The following CADM2 variants were observed in gnomAD, a reference collection of about 807,000 sequenced individuals.
The protein encoded by CADM2 is immunoglobulin superfamily member 4D.
A neutral mutation model predicts 49.8 loss-of-function variants in CADM2; 12 were observed. The ratio of observed to expected loss-of-function variants is 0.24; its 90% CI spans 0.15 to 0.39. The LOEUF is 0.39. Ranked by LOEUF, CADM2 falls within the 10% of genes least tolerant of loss-of-function variation. CADM2 has a pLI of 1.00. For missense variants in CADM2, 378 were observed against 492.3 expected, an observed-to-expected ratio of 0.77 and a Z score of 2.20; for synonymous variants, 214 against 175.4, an observed-to-expected ratio of 1.22 and a Z score of -1.74.
At chr3:85,751,978 T>C (rs1313986935) in intron 2 of CADM2, among the ~76,000 whole-genome samples, 1 of 151,864 alleles carries the variant, frequency 6.6e-6, no homozygotes, top group East Asian at 1.9e-4. Flanking sequence ...ATGAAATGAA[T>C]CAAAAAGGGC....
intron 1 of CADM2, among the ~76,000 whole-genome samples, chr3:85,705,513 C>T (rs1053950827): frequency 1.3e-5 from 2 of 152,092 alleles, no homozygotes; most frequent in Non-Finnish European, 2.9e-5. Flanking sequence ...ACTGTATAGA[C>T]AATTTTAATA....
At chr3:85,052,601 T>G (rs1384869122) in intron 1 of CADM2, among the ~76,000 whole-genome samples, 1 of 152,120 alleles carries the variant, frequency 6.6e-6, no homozygotes, top group Non-Finnish European at 1.5e-5. Flanking sequence ...AATGCCATTT[T>G]CTTCAATAAA....
At chr3:85,519,197 G>A (rs1158317803) in intron 1 of CADM2, among the ~76,000 whole-genome samples, 1 of 151,992 alleles carries the variant, frequency 6.6e-6, no homozygotes, top group African/African-American at 2.4e-5. Context: ...TGGAAATGAT[G>A]GCAGTAGGGA....
intron 1 of CADM2, among the ~76,000 whole-genome samples, chr3:85,229,247 G>A (rs77212096): frequency 0.03 from 4,623 of 152,272 alleles, 98 homozygotes; most frequent in Non-Finnish European, 0.045. Flanking sequence ...TGCTAGGCTC[G>A]GTGGCCATGG....
intron 2 of CADM2, among the ~76,000 whole-genome samples, chr3:85,740,735 C>T (rs1026561597): frequency 8.5e-5 from 13 of 152,294 alleles, no homozygotes; most frequent in Admixed American, 6.5e-4. Context: ...CAATTAATTG[C>T]TCTTTTTCTG....
At chr3:85,909,899 A>C (rs1441836574) in intron 5 of CADM2, among the ~76,000 whole-genome samples, 1 of 152,204 alleles carries the variant, frequency 6.6e-6, no homozygotes, top group East Asian at 1.9e-4. Context: ...TTGGGGAAGA[A>C]GGTCAGCCTA....
chr3:85,293,161 T>G (rs1559763349), intron 1 of CADM2, among the ~76,000 whole-genome samples: 2 of 152,102 alleles, frequency 1.3e-5, no homozygotes, highest in Non-Finnish European at 2.9e-5. Flanking sequence ...TACAAACACC[T>G]CTACGCAAAT....
Position 84,959,532 on chromosome 3 carries a change from C to A in CADM2, c.-76C>A, listed in dbSNP as rs1365451058. ...CGCCGGGAGGAGGACACCAGCGGAG[C>A]CCTGCACTCTCGTGCCCCGCTCACC... is the stretch of plus-strand genomic sequence containing the variant. On this transcript the variant is annotated 5_prime_UTR_variant, in exon 1 of 10. Coordinates refer to ENST00000383699, the MANE Select transcript of CADM2 (RefSeq NM_001167675.2). 9.4e-6 allele frequency: 13 copies of A among 1,385,362 alleles called. No individual in the cohort carries two copies. The highest frequency in any genetic ancestry group is 1.3e-5 in the Non-Finnish European group (13 of 1,010,756). 85.8% of individuals were successfully genotyped at this position (1,385,362 alleles called of 1,614,324 possible).
intron 1 of CADM2, among the ~76,000 whole-genome samples, chr3:85,725,808 CAT>C: frequency 6.6e-6 from 1 of 152,050 alleles, no homozygotes; most frequent in African/African-American, 2.4e-5. Flanking sequence ...TTTAGTGAAT[CAT>C]ATAATTTTTA....
At chr3:85,605,312 T>C (rs552716778) in intron 1 of CADM2, among the ~76,000 whole-genome samples, 1 of 152,206 alleles carries the variant, frequency 6.6e-6, no homozygotes, top group South Asian at 2.1e-4. Context: ...TTCATGTTTG[T>C]ATTCTCCAGA....
chr3:86,032,102 T>C (rs539654949), intron 8 of CADM2, among the ~76,000 whole-genome samples: 58 of 151,898 alleles, frequency 3.8e-4, no homozygotes, highest in Non-Finnish European at 7.7e-4. Flanking sequence ...AAATTTAATT[T>C]ATAATTTAGG....
intron 8 of CADM2, among the ~76,000 whole-genome samples, chr3:85,998,544 AATATATATT>A (rs1252264614): frequency 1.3e-5 from 2 of 152,160 alleles, no homozygotes; most frequent in Non-Finnish European, 2.9e-5. Flanking sequence ...CGTGAAAATA[AATATATATT>A]TATCTATGCA....
chr3:85,356,504 G>A (rs2107260810), intron 1 of CADM2, among the ~76,000 whole-genome samples: 1 of 152,106 alleles, frequency 6.6e-6, no homozygotes, highest in African/African-American at 2.4e-5. Flanking sequence ...TTTGACAAGT[G>A]GAAGCCAGAT....
intron 3 of CADM2, among the ~76,000 whole-genome samples, chr3:85,844,888 C>G (rs1025420158): frequency 1.3e-5 from 2 of 151,970 alleles, no homozygotes; most frequent in Admixed American, 1.3e-4. Context: ...TGGTGGCTCA[C>G]ACTTGTAATA....
At chr3:86,013,472 T>C in intron 8 of CADM2, 9 of 1,598,272 alleles carry the variant, frequency 5.6e-6, no homozygotes, top group Non-Finnish European at 7.7e-6. Context: ...AGATAAATTC[T>C]GGTGAAGAGG....
intron 6 of CADM2, among the ~76,000 whole-genome samples, chr3:85,922,999 T>G (rs1719340207): frequency 6.6e-6 from 1 of 151,758 alleles, no homozygotes; most frequent in Non-Finnish European, 1.5e-5. Flanking sequence ...TTTTTTGTAT[T>G]TTTTTAGTAG....
chr3:84,986,448 A>C (rs1157222083), intron 1 of CADM2, among the ~76,000 whole-genome samples: 1 of 152,166 alleles, frequency 6.6e-6, no homozygotes, highest in African/African-American at 2.4e-5. Flanking sequence ...AGGCATGGCA[A>C]TGAGTACATC....
chr3:85,629,412 C>G (rs562028068), intron 1 of CADM2, among the ~76,000 whole-genome samples: 19 of 151,724 alleles, frequency 1.3e-4, no homozygotes, highest in East Asian at 1.2e-3. Context: ...CACACACACA[C>G]AGAGATATCT....
chr3:85,711,844 A>C (rs1254790744), intron 1 of CADM2, among the ~76,000 whole-genome samples: 2 of 152,278 alleles, frequency 1.3e-5, no homozygotes, highest in East Asian at 3.9e-4. Flanking sequence ...TATCTTACAG[A>C]CATAAATTTA....
Sources: gnomAD v4.1 joint callset for allele counts (sites outside exome capture counted in the v4.1 genomes callset) on GRCh38, gnomAD v4.1.1 for gene constraint, MANE v1.5 for transcripts, NCBI Gene and HGNC (gene_info 2026-07-23, HGNC 2026-07-21) for gene names.